MTUS1: variants seen among roughly 807,000 people sequenced by gnomAD.
MTUS1 encodes microtubule-associated tumor suppressor 1.
Under a neutral mutation model 120.8 loss-of-function variants are expected in MTUS1, and 109 were observed. That is an observed-to-expected ratio of 0.90 (90% CI 0.77 to 1.06). MTUS1 has a LOEUF of 1.06. Ranked by LOEUF, MTUS1 falls within the 50% of genes least tolerant of loss-of-function variation. The probability of loss-of-function intolerance (pLI) is 0.00; values close to 1 mark genes in which losing one functional copy is unlikely to be tolerated. For synonymous variants in MTUS1, 737 were observed against 550.5 expected, an observed-to-expected ratio of 1.34 and a Z score of -4.74; for missense variants, 2,210 against 1,486.3, an observed-to-expected ratio of 1.49 and a Z score of -8.01.
chr8:17,710,740 T>C (rs1471496119), intron 6 of MTUS1, among the ~76,000 whole-genome samples: 1 of 152,200 alleles, frequency 6.6e-6, no homozygotes, highest in Admixed American at 6.5e-5. Context: ...ATCAGAGGAA[T>C]CAGTATCTAG....
chr8:17,706,624 G>C (rs1697279798), intron 6 of MTUS1, among the ~76,000 whole-genome samples: 1 of 152,130 alleles, frequency 6.6e-6, no homozygotes, highest in Non-Finnish European at 1.5e-5. Context: ...AAACAATTTG[G>C]CTATTTGAGT....
At chr8:17,651,194 G>A (rs1374315531) in intron 12 of MTUS1, among the ~76,000 whole-genome samples, 1 of 151,880 alleles carries the variant, frequency 6.6e-6, no homozygotes, top group African/African-American at 2.4e-5. Flanking sequence ...TGTATGGTGG[G>A]AGGTGGGGTG....
intron 1 of MTUS1, among the ~76,000 whole-genome samples, chr8:17,766,832 T>C (rs992541524): frequency 1.4e-4 from 21 of 152,356 alleles, no homozygotes; most frequent in Non-Finnish European, 2.9e-4. Context: ...ATAATCAGTA[T>C]ATCTGAGAAT....
At chr8:17,684,834 G>T (rs1815420612) in intron 6 of MTUS1, among the ~76,000 whole-genome samples, 1 of 152,166 alleles carries the variant, frequency 6.6e-6, no homozygotes, top group African/African-American at 2.4e-5. Context: ...GGTGCAAAAT[G>T]TTGTTCTCCT....
chr8:17,728,789 G>T (rs1196827888), intron 3 of MTUS1, among the ~76,000 whole-genome samples: 2 of 150,890 alleles, frequency 1.3e-5, no homozygotes, highest in Non-Finnish European at 3.0e-5. Context: ...GGTTGGGGGG[G>T]TCGGGGAGGG....
At chr8:17,732,565 T>C (rs1285378175) in intron 3 of MTUS1, among the ~76,000 whole-genome samples, 1 of 152,148 alleles carries the variant, frequency 6.6e-6, no homozygotes, top group Non-Finnish European at 1.5e-5. Context: ...TGGTGCTGAA[T>C]CCTAAATTTA....
At chr8:17,732,867 C>A (rs1586028411) in intron 3 of MTUS1, among the ~76,000 whole-genome samples, 1 of 152,138 alleles carries the variant, frequency 6.6e-6, no homozygotes, top group Non-Finnish European at 1.5e-5. Flanking sequence ...TCTGAGCGGG[C>A]CTCACTGCCA....
intron 1 of MTUS1, chr8:17,780,820 C>G (rs1395765296): frequency 5.9e-5 from 9 of 152,178 alleles, no homozygotes; most frequent in Non-Finnish European, 2.9e-5. Flanking sequence ...CCTCCTATCA[C>G]ATCTAATACA....
chr8:17,697,365 G>A, intron 6 of MTUS1: 1 of 1,614,104 alleles, frequency 6.2e-7, no homozygotes, highest in Non-Finnish European at 8.5e-7. Flanking sequence ...GAGAATTTGG[G>A]AGACAACAAC....
chr8:17,654,084 G>A (rs1165074960), intron 10 of MTUS1: 1 of 164,998 alleles, frequency 6.1e-6, no homozygotes, highest in African/African-American at 2.4e-5. Context: ...TAGAAAGACT[G>A]TGAGCGACAC....
chr8:17,654,099 G>C (rs1000246796), intron 10 of MTUS1: 2 of 165,744 alleles, frequency 1.2e-5, no homozygotes, highest in African/African-American at 4.8e-5. Context: ...CGACACTGCC[G>C]ATTCTGTTCT....
At chr8:17,799,384 G>C (rs896549487) in intron 1 of MTUS1, among the ~76,000 whole-genome samples, 1 of 151,894 alleles carries the variant, frequency 6.6e-6, no homozygotes, top group Non-Finnish European at 1.5e-5. Flanking sequence ...CCACGCAATA[G>C]TATATTTAGA....
intron 6 of MTUS1, chr8:17,697,506 A>C: frequency 1.4e-6 from 2 of 1,412,164 alleles, no homozygotes; most frequent in Non-Finnish European, 1.9e-6. Context: ...TACACAGCAA[A>C]TGTCATTCCA....
At chr8:17,657,730 G>C (rs1364803092) in intron 8 of MTUS1, among the ~76,000 whole-genome samples, 1 of 147,828 alleles carries the variant, frequency 6.8e-6, no homozygotes, top group Non-Finnish European at 1.5e-5. Context: ...AGGAGGCTGA[G>C]GTGGGAGGAT....
At position 17,733,075 on chromosome 8, in the gene MTUS1, G is replaced by C. The variant is rs548807900; in HGVS notation, c.2288-9242C>G. On this transcript the variant is annotated intron_variant, in intron 3 of 14. Transcript: ENST00000693296. ...CAAGACTATACATGATCCACGCTGG[G>C]CACGGTGCCTCACGCCCGTAATCCC... is the stretch of plus-strand genomic sequence containing the variant. 7.6e-4 allele frequency among the ~76,000 whole-genome samples: 116 copies of C among 152,232 alleles called. No homozygotes were observed. The South Asian group carries it at 0.013, about 17-fold the overall frequency.
At chr8:17,712,182 C>A (rs6421405) in intron 6 of MTUS1, among the ~76,000 whole-genome samples, 151,174 of 152,364 alleles carry the variant, frequency 0.99, 75,006 homozygotes, top group East Asian at 1. Context: ...TGCAAGGCTC[C>A]AGAAAATGAG....
intron 6 of MTUS1, among the ~76,000 whole-genome samples, chr8:17,708,236 A>G (rs1266504839): frequency 6.6e-6 from 1 of 152,250 alleles, no homozygotes; most frequent in East Asian, 1.9e-4. Context: ...ATCAGACTAT[A>G]CAAGAACTCC....
intron 8 of MTUS1, among the ~76,000 whole-genome samples, chr8:17,660,228 C>A (rs972676520): frequency 6.6e-6 from 1 of 152,006 alleles, no homozygotes; most frequent in African/African-American, 2.4e-5. Flanking sequence ...CAAAAATTAG[C>A]GGGGCATGAT....
At position 17,684,437 on chromosome 8, in the gene MTUS1, G is replaced by C. The variant is rs1815306349; in HGVS notation, c.2729C>G (p.Thr910Arg). The change falls in exon 7 of 15, where the codon ACA becomes AGA. Residue 910 changes from threonine (T) to arginine (R), a missense_variant. Thr to Arg is a moderately conservative substitution (Grantham distance 71). Coordinates refer to ENST00000693296, the MANE Select transcript of MTUS1 (RefSeq NM_001363059.2). ...EKTLELTQYK[T>R]KCENQSGFIL... is the part of the protein sequence containing the mutation. ...AAATCCACTTTGGTTTTCACATTTTGTTTTATATTGCGTCAATTCAAGTGT... is the reference window on the plus strand; with the variant it reads ...AAATCCACTTTGGTTTTCACATTTTCTTTTATATTGCGTCAATTCAAGTGT... 6 of 1,614,028 alleles carry C rather than the reference G, an allele frequency of 3.7e-6. No individual in the cohort carries two copies. Among genetic ancestry groups the C allele is most frequent in the African/African-American group, 2.7e-5 (2 of 74,926 alleles).
Sources: gnomAD v4.1 joint callset for allele counts (sites outside exome capture counted in the v4.1 genomes callset) on GRCh38, gnomAD v4.1.1 for gene constraint, MANE v1.5 for transcripts, NCBI Gene and HGNC (gene_info 2026-07-23, HGNC 2026-07-21) for gene names.